Variants in SDK2 observed in about 807,000 individuals in gnomAD.
The protein encoded by SDK2 is sidekick cell adhesion molecule 2, also known as protein sidekick-2.
SDK2 carries 105 observed loss-of-function variants against 253.9 expected under a neutral mutation model. The observed-to-expected ratio is 0.41, with a 90% CI of 0.35 to 0.49. The LOEUF (loss-of-function observed/expected upper bound fraction) is 0.49. Among genes scored for constraint, SDK2 ranks in the 20% least tolerant of loss-of-function variants. The pLI, the probability that SDK2 is intolerant of heterozygous loss-of-function variation, is 0.06. For missense variants in SDK2, 2,608 were observed against 3,003.0 expected, an observed-to-expected ratio of 0.87 and a Z score of 3.07; for synonymous variants, 1,249 against 1,234.9, an observed-to-expected ratio of 1.01 and a Z score of -0.24.
At position 73,352,280 on chromosome 17, in the gene SDK2, C is replaced by T. The variant is rs571828237; in HGVS notation, c.5758+193G>A. Among the ~76,000 whole-genome samples the T allele has an allele frequency of 7.0e-4, 107 of 152,322 alleles. 1 individual carries two copies. The highest frequency in any genetic ancestry group is 3.4e-3 in the Middle Eastern group (1 of 294). On this transcript the variant is annotated intron_variant, in intron 41 of 44. Coordinates refer to ENST00000392650, the MANE Select transcript of SDK2 (RefSeq NM_001144952.2). The surrounding 1 kb of genome is among the most constrained non-coding windows in gnomAD (Gnocchi z 4.1). ...CCCCAAAGATGAAGATCCCTAGTTT[C>T]CTCTGGTCTTGAGGGCTGACCCAGG...
intron 3 of SDK2, among the ~76,000 whole-genome samples, chr17:73,469,992 G>GCGCGCACACACA (rs1328450219): frequency 2.5e-4 from 32 of 126,264 alleles, no homozygotes; most frequent in East Asian, 5.2e-4. Flanking sequence ...GCGCGCGCGC[G>GCGCGCACACACA]CACACACACA....
At chr17:73,588,915 G>T (rs1261932126) in intron 1 of SDK2, among the ~76,000 whole-genome samples, 3 of 152,226 alleles carry the variant, frequency 2.0e-5, no homozygotes, top group Admixed American at 1.3e-4. Flanking sequence ...TACAGAAGGC[G>T]CCAGATGCCT....
intron 1 of SDK2, among the ~76,000 whole-genome samples, chr17:73,537,527 CAG>C (rs1351210242): frequency 1.3e-5 from 2 of 151,936 alleles, no homozygotes; most frequent in African/African-American, 4.8e-5. Context: ...GAGAGGCAGG[CAG>C]AGGGTGGAAG....
At chr17:73,449,602 C>CTTTT (rs33923010) in intron 4 of SDK2, among the ~76,000 whole-genome samples, 3 of 94,338 alleles carry the variant, frequency 3.2e-5, no homozygotes, top group East Asian at 2.6e-4. Flanking sequence ...CCCCCCACCT[C>CTTTT]TTTTTTTTTT....
chr17:73,435,406 G>A lies in SDK2; in HGVS notation c.1195+44C>T. ...AGACCTTGGAAGAAAGCTGCGTCCT[G>A]GGAAGAGGGGCTCACGGGCAGCACA... is the stretch of plus-strand genomic sequence containing the variant. On this transcript the variant is annotated intron_variant, in intron 9 of 44. Transcript: ENST00000392650. The surrounding 1 kb of genome is among the most constrained non-coding windows in gnomAD (Gnocchi z 5.7). 2 of 1,523,938 alleles carry A rather than the reference G, an allele frequency of 1.3e-6. No individual in the cohort carries two copies. Among genetic ancestry groups the A allele is most frequent in the East Asian group, 2.4e-5 (1 of 41,404 alleles). The allele number at this position is 1,523,938 out of a possible 1,614,324, so 94.4% of individuals were successfully genotyped here.
intron 1 of SDK2, among the ~76,000 whole-genome samples, chr17:73,515,076 A>G (rs1157624646): frequency 1.3e-5 from 2 of 152,142 alleles, no homozygotes; most frequent in Non-Finnish European, 1.5e-5. Flanking sequence ...CTTTACATTC[A>G]TCATCTTAGT....
chr17:73,397,635 A>G (rs1415202843), intron 24 of SDK2, among the ~76,000 whole-genome samples: 8 of 151,724 alleles, frequency 5.3e-5, no homozygotes, highest in East Asian at 1.9e-4. Context: ...ATCTGGGGAC[A>G]CTCTCTGAAT....
At chr17:73,589,976 C>T (rs1371879884) in intron 1 of SDK2, among the ~76,000 whole-genome samples, 1 of 152,262 alleles carries the variant, frequency 6.6e-6, no homozygotes, top group East Asian at 1.9e-4. Context: ...AATGTGTCCA[C>T]TCCTCTCTAG....
chr17:73,445,510 C>A (rs992512225), intron 5 of SDK2, among the ~76,000 whole-genome samples: 7 of 152,088 alleles, frequency 4.6e-5, no homozygotes, highest in African/African-American at 1.7e-4. Context: ...CTTGCTCTTT[C>A]CTTCTCTGGT....
chr17:73,519,017 T>C (rs1172415079), intron 1 of SDK2: 1 of 152,322 alleles, frequency 6.6e-6, no homozygotes, highest in Non-Finnish European at 1.5e-5. Flanking sequence ...GCCCATCCCC[T>C]AAGCCTGGGG....
intron 1 of SDK2, among the ~76,000 whole-genome samples, chr17:73,509,246 A>G (rs2063959251): frequency 6.6e-6 from 1 of 152,214 alleles, no homozygotes; most frequent in Non-Finnish European, 1.5e-5. Flanking sequence ...AGAAATAGCT[A>G]CCTTCACGTC....
Position 73,374,766 on chromosome 17 carries a change from C to A in SDK2, c.4980+4411G>T, listed in dbSNP as rs372503033. On this transcript the variant is annotated intron_variant, in intron 36 of 44. Transcript: ENST00000392650. The stretch of plus-strand genomic sequence containing the variant: ...TACAGGTGTGAGCCACTGTGCCCAG[C>A]CTGATTTGTTAGCAAATTCTACCAG... 8.5e-5 allele frequency among the ~76,000 whole-genome samples: 13 copies of A among 152,266 alleles called. No homozygotes were observed. In the East Asian group the frequency reaches 1.2e-3, roughly 14 times the overall value.
Position 73,338,699 on chromosome 17 carries a change from G to C in SDK2, c.6407C>G (p.Thr2136Arg), listed in dbSNP as rs148977958. 1 of 1,608,296 alleles carries C rather than the reference G, an allele frequency of 6.2e-7. No individual in the cohort carries two copies. The highest frequency in any genetic ancestry group is 1.1e-5 in the South Asian group (1 of 90,630). The change falls in exon 45 of 45, where the codon ACG (threonine) becomes AGG (arginine). Residue 2136 changes from threonine to arginine, a missense_variant. Coordinates refer to ENST00000392650, the MANE Select transcript of SDK2 (RefSeq NM_001144952.2). This position sits in a 1 kb window ranked among gnomAD's most constrained non-coding sequence, Gnocchi z 5.0. ...LFRPKASRTP[T>R]PQNPPNPPSQ... is the part of the protein sequence containing the mutation. ...TGGGGGGTTAGGGGGGTTCTGGGGC[G>C]TTGGAGTCCGACTGGCCTTGGGCCG...
chr17:73,613,244 T>C (rs1381321522), intron 1 of SDK2, among the ~76,000 whole-genome samples: 2 of 151,904 alleles, frequency 1.3e-5, no homozygotes, highest in East Asian at 1.9e-4. Flanking sequence ...GGCAGGAAGA[T>C]GGACAAGCTG....
chr17:73,398,189 G>T lies in SDK2; in HGVS notation c.3204-4C>A. 1.2e-6 allele frequency: 2 copies of T among 1,610,398 alleles called. No homozygotes were observed. Among genetic ancestry groups the T allele is most frequent in the Non-Finnish European group, 1.7e-6 (2 of 1,178,010 alleles). On this transcript the variant is annotated splice_polypyrimidine_tract_variant and splice_region_variant and intron_variant, in intron 23 of 44. Transcript: ENST00000392650. Reference sequence around the variant, plus strand: ...GTTCACCTGGCGCATGCGGAAGCTGGGGTTGGGGAGAGATGAGCAAGATGG... The same window carrying T: ...GTTCACCTGGCGCATGCGGAAGCTGTGGTTGGGGAGAGATGAGCAAGATGG...
intron 1 of SDK2, among the ~76,000 whole-genome samples, chr17:73,591,515 G>A (rs962197760): frequency 1.2e-4 from 18 of 152,296 alleles, no homozygotes; most frequent in Middle Eastern, 3.4e-3. Context: ...CTTCCCTTCA[G>A]ACCCAAGGCT....
Position 73,618,268 on chromosome 17 carries a change from C to A in SDK2, c.64+25757G>T, listed in dbSNP as rs1442466498. 6.6e-6 allele frequency among the ~76,000 whole-genome samples: 1 copy of A among 152,184 alleles called. No homozygotes were observed. Among genetic ancestry groups the A allele is most frequent in the African/African-American group, 2.4e-5 (1 of 41,436 alleles). ...AATTAGACCCCATACCTTTGCCCAG[C>A]CTCATTTTATGTTTTGCTTCTGGCT... is the stretch of plus-strand genomic sequence containing the variant. On this transcript the variant is annotated intron_variant, in intron 1 of 44. Transcript: ENST00000392650. The surrounding 1 kb of genome is among the most constrained non-coding windows in gnomAD (Gnocchi z 4.1).
intron 36 of SDK2, chr17:73,369,082 C>T (rs907805159): frequency 2.3e-6 from 1 of 441,338 alleles, no homozygotes; most frequent in South Asian, 1.6e-5. Context: ...ACAGCCAAGA[C>T]CCTGGTCTCT....
In SDK2 at chr17:73,643,033, C is replaced by T. The variant is rs1436711617; in HGVS notation, c.64+992G>A. 2 of 152,308 alleles carry T rather than the reference C, an allele frequency of 1.3e-5. No homozygotes were observed. Among genetic ancestry groups the T allele is most frequent in the Non-Finnish European group, 2.9e-5 (2 of 68,150 alleles). 9.4% of individuals were successfully genotyped at this position (152,308 alleles called of 1,614,324 possible). A position where few individuals can be genotyped will look rare whatever the true frequency, so the allele number is the denominator to read the frequency against. On this transcript the variant is annotated intron_variant, in intron 1 of 44. Transcript: ENST00000392650. The surrounding 1 kb of genome is among the most constrained non-coding windows in gnomAD (Gnocchi z 6.9). ...GTCCAGGCTTCGTCTCCCTCCGCCC[C>T]CAGCAGGCGCCGCTCGGACACCGCT...
Sources: gnomAD v4.1 joint callset for allele counts (sites outside exome capture counted in the v4.1 genomes callset) on GRCh38, gnomAD v4.1.1 for gene constraint, Gnocchi (gnomAD v3.1) non-coding constraint, MANE v1.5 for transcripts, NCBI Gene and HGNC (gene_info 2026-07-23, HGNC 2026-07-21) for gene names.